Variants in MAPK10 observed in about 807,000 individuals in gnomAD.
MAPK10 encodes JNK3 alpha protein kinase.
MAPK10 carries 25 observed loss-of-function variants against 59.3 expected under a neutral mutation model. The ratio of observed to expected loss-of-function variants is 0.42; its 90% CI spans 0.31 to 0.59. The LOEUF (loss-of-function observed/expected upper bound fraction) is 0.59, where lower values mean the gene tolerates loss of function less well. Ranked by LOEUF, MAPK10 falls within the 20% of genes least tolerant of loss-of-function variation. The probability of loss-of-function intolerance (pLI) is 0.15; values close to 1 mark genes in which losing one functional copy is unlikely to be tolerated. For synonymous variants in MAPK10, 190 were observed against 200.5 expected (o/e 0.95, Z 0.44); for missense variants, 351 against 568.9 (o/e 0.62, Z 3.90).
intron 4 of MAPK10, among the ~76,000 whole-genome samples, chr4:86,149,286 T>C (rs1483125946): frequency 2.6e-5 from 4 of 152,192 alleles, no homozygotes; most frequent in Non-Finnish European, 5.9e-5. Context: ...ATTTATTTTT[T>C]GATGGAGTTT....
chr4:86,471,652 A>C (rs913156033), intron 1 of MAPK10, among the ~76,000 whole-genome samples: 2 of 152,256 alleles, frequency 1.3e-5, no homozygotes, highest in Non-Finnish European at 2.9e-5. Flanking sequence ...GATTTTGTGA[A>C]GATCAAATGA....
At chr4:86,413,314 T>A (rs557562994) in intron 1 of MAPK10, among the ~76,000 whole-genome samples, 1 of 152,298 alleles carries the variant, frequency 6.6e-6, no homozygotes, top group East Asian at 1.9e-4. Context: ...GTATGACGTG[T>A]CTGTCGGCCC....
At chr4:86,355,058 G>T (rs907558416) in intron 1 of MAPK10, among the ~76,000 whole-genome samples, 1 of 152,074 alleles carries the variant, frequency 6.6e-6, no homozygotes, top group African/African-American at 2.4e-5. Context: ...GGAGAATTTT[G>T]AAAACCTCTG....
intron 2 of MAPK10, among the ~76,000 whole-genome samples, chr4:86,304,962 T>C (rs1015028830): frequency 2.6e-5 from 4 of 152,196 alleles, no homozygotes; most frequent in Non-Finnish European, 5.9e-5. Context: ...ATTAAAAATA[T>C]ATGGTACTTC....
intron 1 of MAPK10, among the ~76,000 whole-genome samples, chr4:86,549,468 G>A (rs989965479): frequency 3.3e-5 from 5 of 152,130 alleles, no homozygotes; most frequent in Non-Finnish European, 7.4e-5. Context: ...AAAAGATACA[G>A]TAAAAACACC....
At chr4:86,291,640 C>T (rs1411682933) in intron 2 of MAPK10, among the ~76,000 whole-genome samples, 3 of 151,938 alleles carry the variant, frequency 2.0e-5, no homozygotes, top group Non-Finnish European at 4.4e-5. Context: ...ACATTTATAC[C>T]GTAGTATAAA....
intron 2 of MAPK10, among the ~76,000 whole-genome samples, chr4:86,324,750 C>T (rs369284638): frequency 2.8e-4 from 43 of 152,266 alleles, no homozygotes; most frequent in Non-Finnish European, 5.1e-4. Context: ...TGTTTCCCCC[C>T]GATTTCTTAG....
chr4:86,452,503 C>A (rs1750830951), intron 1 of MAPK10, among the ~76,000 whole-genome samples: 1 of 152,070 alleles, frequency 6.6e-6, no homozygotes, highest in South Asian at 2.1e-4. Flanking sequence ...TCCACACACA[C>A]AAACATACAA....
At chr4:86,212,055 T>C (rs2085969009) in intron 2 of MAPK10, among the ~76,000 whole-genome samples, 1 of 152,090 alleles carries the variant, frequency 6.6e-6, no homozygotes, top group African/African-American at 2.4e-5. Context: ...CTCTGAGTCA[T>C]ACAGAAAACA....
intron 2 of MAPK10, among the ~76,000 whole-genome samples, chr4:86,206,248 G>A (rs146222606): frequency 0.082 from 12,363 of 150,194 alleles, 1,126 homozygotes; most frequent in African/African-American, 0.23. Flanking sequence ...TCCTGTGTCC[G>A]TGTGTTCGCA....
At chr4:86,207,955 A>G (rs1270680327) in intron 2 of MAPK10, among the ~76,000 whole-genome samples, 4 of 152,046 alleles carry the variant, frequency 2.6e-5, no homozygotes, top group Non-Finnish European at 5.9e-5. Context: ...GGGCTGAGAC[A>G]ATGGGGTTTT....
intron 3 of MAPK10, among the ~76,000 whole-genome samples, chr4:86,171,397 G>C (rs1472101958): frequency 6.6e-6 from 1 of 151,938 alleles, no homozygotes; most frequent in African/African-American, 2.4e-5. Context: ...CAATGGAACA[G>C]AACAGAGCCC....
chr4:86,011,147 A>C lies in MAPK10; in HGVS notation c.*6081T>G, dbSNP rs1253756133. ...GTGTCTGAGAAATATAAATTTCTAC[A>C]GCACATTTTTAGTGCCTTAAACAGA... On this transcript the variant is annotated 3_prime_UTR_variant, in exon 14 of 14. Coordinates refer to ENST00000641462, the MANE Select transcript of MAPK10 (RefSeq NM_138982.4). 1 of 152,250 alleles carries C rather than the reference A, an allele frequency of 6.6e-6. No homozygotes were observed. The highest frequency in any genetic ancestry group is 1.9e-4 in the East Asian group (1 of 5,200). The allele number at this position is 152,250 out of a possible 1,614,324, so 9.4% of individuals were successfully genotyped here.
At chr4:86,171,166 T>C (rs868363520) in intron 3 of MAPK10, 1 of 151,132 alleles carries the variant, frequency 6.6e-6, no homozygotes, top group African/African-American at 2.4e-5. Context: ...TTAAAAGAAC[T>C]AGAAAAGCAA....
At chr4:86,075,584 C>T (rs1402938188) in intron 9 of MAPK10, among the ~76,000 whole-genome samples, 1 of 152,098 alleles carries the variant, frequency 6.6e-6, no homozygotes, top group Non-Finnish European at 1.5e-5. Context: ...TGTGGATGTC[C>T]TTTCTGTTTG....
At chr4:86,247,575 G>T (rs756830203) in intron 2 of MAPK10, among the ~76,000 whole-genome samples, 1 of 152,084 alleles carries the variant, frequency 6.6e-6, no homozygotes, top group Non-Finnish European at 1.5e-5. Flanking sequence ...GGTCTAGAAG[G>T]GAGAAAGACA....
Position 86,294,118 on chromosome 4 carries a change from G to C in MAPK10, c.-7+60412C>G, listed in dbSNP as rs561030796. The stretch of plus-strand genomic sequence containing the variant: ...GCTTCTTTCCTCATCAATGTGATTA[G>C]CTCCGAGGTGTGCTGTATAGGAGCC... On this transcript the variant is annotated intron_variant, in intron 2 of 13. Transcript: ENST00000641462. 3.9e-5 allele frequency among the ~76,000 whole-genome samples: 6 copies of C among 152,288 alleles called. No homozygotes were observed. The South Asian group carries it at 1.2e-3, about 32-fold the overall frequency.
chr4:86,465,789 A>C (rs1009563210), intron 1 of MAPK10, among the ~76,000 whole-genome samples: 2 of 152,212 alleles, frequency 1.3e-5, no homozygotes, highest in Admixed American at 6.5e-5. Context: ...AGGACCCCCC[A>C]GTTACAGCCA....
chr4:86,574,720 C>T (rs1761745520), intron 1 of MAPK10, among the ~76,000 whole-genome samples: 1 of 152,040 alleles, frequency 6.6e-6, no homozygotes, highest in African/African-American at 2.4e-5. Context: ...TGTTCTGTGA[C>T]CTGGCTAAAC....
Sources: gnomAD v4.1 joint callset for allele counts (sites outside exome capture counted in the v4.1 genomes callset) on GRCh38, gnomAD v4.1.1 for gene constraint, MANE v1.5 for transcripts, NCBI Gene and HGNC (gene_info 2026-07-23, HGNC 2026-07-21) for gene names.